Variants in GALNT13 observed in about 807,000 individuals in gnomAD.
GALNT13 encodes the protein UDP-GalNAc:polypeptide N-acetylgalactosaminyltransferase 13.
A neutral mutation model predicts 64.2 loss-of-function variants in GALNT13; 28 were observed. That is an observed-to-expected ratio of 0.44 (90% CI 0.32 to 0.60). The LOEUF (loss-of-function observed/expected upper bound fraction) is 0.60, where lower values mean the gene tolerates loss of function less well. GALNT13 is among the 20% of genes least tolerant of loss of function. GALNT13 has a pLI of 0.05. For synonymous variants in GALNT13, 214 were observed against 224.6 expected (o/e 0.95, Z 0.42); for missense variants, 577 against 669.8 (o/e 0.86, Z 1.53).
At chr2:154,018,218 A>G (rs933330456) in intron 3 of GALNT13, among the ~76,000 whole-genome samples, 1 of 152,282 alleles carries the variant, frequency 6.6e-6, no homozygotes, top group South Asian at 2.1e-4. Flanking sequence ...TTACATTTCC[A>G]TTTGTTTTGT....
At chr2:154,365,325 T>C (rs1697308419) in intron 9 of GALNT13, among the ~76,000 whole-genome samples, 1 of 152,172 alleles carries the variant, frequency 6.6e-6, no homozygotes, top group Admixed American at 6.6e-5. Context: ...TTCCCAAGCA[T>C]ACCCTTCAAT....
the GALNT13 span, among the ~76,000 whole-genome samples, chr2:153,431,720 T>C: frequency 6.6e-6 from 1 of 152,228 alleles, no homozygotes; most frequent in Non-Finnish European, 1.5e-5. Context: ...TGGAGAGGGT[T>C]TGCCTTTTTC....
chr2:153,282,767 A>C, the GALNT13 span, among the ~76,000 whole-genome samples: 7 of 152,108 alleles, frequency 4.6e-5, no homozygotes, highest in Non-Finnish European at 1.0e-4. Context: ...TCTCATCTGG[A>C]GACACTGGAA....
At chr2:153,803,706 A>AAG in the GALNT13 span, among the ~76,000 whole-genome samples, 2 of 147,514 alleles carry the variant, frequency 1.4e-5, no homozygotes, top group Non-Finnish European at 3.0e-5. Context: ...AAAAAAAAAA[A>AAG]AAGAAAAAGA....
the GALNT13 span, among the ~76,000 whole-genome samples, chr2:153,422,902 GTA>G: frequency 2.0e-5 from 3 of 151,750 alleles, no homozygotes; most frequent in Admixed American, 6.6e-5. Flanking sequence ...AAAAAAACAT[GTA>G]TTTTAAATAT....
At chr2:153,303,380 T>A in the GALNT13 span, among the ~76,000 whole-genome samples, 2 of 152,300 alleles carry the variant, frequency 1.3e-5, no homozygotes, top group African/African-American at 4.8e-5. Context: ...ATACTACTTA[T>A]TTTTGTATGT....
At chr2:153,485,798 G>T in the GALNT13 span, among the ~76,000 whole-genome samples, 4 of 152,286 alleles carry the variant, frequency 2.6e-5, no homozygotes, top group African/African-American at 9.6e-5. Context: ...TACTTGGGAG[G>T]CTGAGGTATG....
intron 9 of GALNT13, among the ~76,000 whole-genome samples, chr2:154,371,695 A>C (rs1697694653): frequency 6.6e-6 from 1 of 152,010 alleles, no homozygotes; most frequent in Non-Finnish European, 1.5e-5. Flanking sequence ...GGAGGAACTC[A>C]ACTTGCTTGG....
At chr2:153,293,791 G>A in the GALNT13 span, among the ~76,000 whole-genome samples, 1 of 145,834 alleles carries the variant, frequency 6.9e-6, no homozygotes, top group South Asian at 2.2e-4. Flanking sequence ...GTGTGTGTGT[G>A]TCTGTGTGTG....
At chr2:153,469,439 G>A in the GALNT13 span, among the ~76,000 whole-genome samples, 8 of 152,084 alleles carry the variant, frequency 5.3e-5, no homozygotes, top group Non-Finnish European at 1.2e-4. Context: ...GTCTCAGAGC[G>A]GGAGATGATA....
chr2:153,879,975 C>T (rs1686670481), intron 1 of GALNT13, among the ~76,000 whole-genome samples: 1 of 152,070 alleles, frequency 6.6e-6, no homozygotes, highest in Non-Finnish European at 1.5e-5. Flanking sequence ...CATAATGTTG[C>T]AGACAAGAAT....
At chr2:153,121,641 G>T in the GALNT13 span, among the ~76,000 whole-genome samples, 1 of 152,138 alleles carries the variant, frequency 6.6e-6, no homozygotes, top group African/African-American at 2.4e-5. Context: ...ACGCAAGTCT[G>T]CCTCAGCCTC....
the GALNT13 span, among the ~76,000 whole-genome samples, chr2:153,163,895 G>C: frequency 1.3e-5 from 2 of 151,992 alleles, no homozygotes; most frequent in Admixed American, 1.3e-4. Flanking sequence ...GCGGGCGCCT[G>C]TAGTCCCAGC....
the GALNT13 span, among the ~76,000 whole-genome samples, chr2:153,642,311 C>A: frequency 2.0e-5 from 3 of 151,622 alleles, no homozygotes; most frequent in Non-Finnish European, 4.4e-5. Context: ...TGCACATATG[C>A]GTGAGTTACT....
At chr2:153,251,247 A>G in the GALNT13 span, among the ~76,000 whole-genome samples, 1 of 152,200 alleles carries the variant, frequency 6.6e-6, no homozygotes, top group Non-Finnish European at 1.5e-5. Flanking sequence ...CTATAATTCT[A>G]ATATGACTTA....
the GALNT13 span, among the ~76,000 whole-genome samples, chr2:153,366,720 G>GACACACACACACACACAC: frequency 9.2e-6 from 1 of 109,116 alleles, no homozygotes; most frequent in African/African-American, 3.7e-5. Context: ...AGCACACAGG[G>GACACACACACACACACAC]ACACACACAC....
intron 3 of GALNT13, among the ~76,000 whole-genome samples, chr2:154,040,294 T>G (rs1698902493): frequency 7.1e-6 from 1 of 140,990 alleles, no homozygotes; most frequent in African/African-American, 2.4e-5. Context: ...TGTGAGTTCT[T>G]TAAAGCCCAA....
the GALNT13 span, among the ~76,000 whole-genome samples, chr2:153,841,150 T>C: frequency 6.6e-6 from 1 of 152,278 alleles, no homozygotes; most frequent in Middle Eastern, 3.4e-3. Context: ...TTACTCTTAA[T>C]TTTTAGATGC....
At chr2:153,949,730 T>C (rs1190226537) in intron 3 of GALNT13, among the ~76,000 whole-genome samples, 1 of 151,966 alleles carries the variant, frequency 6.6e-6, no homozygotes, top group Non-Finnish European at 1.5e-5. Context: ...GCTATATAAT[T>C]GGAACAGAGA....
Sources: gnomAD v4.1 joint callset for allele counts (sites outside exome capture counted in the v4.1 genomes callset) on GRCh38, gnomAD v4.1.1 for gene constraint, MANE v1.5 for transcripts, NCBI Gene and HGNC (gene_info 2026-07-23, HGNC 2026-07-21) for gene names.